Variants in TENT4B observed in about 807,000 individuals in gnomAD.
TENT4B encodes the protein PAP associated domain containing 5.
TENT4B carries 10 observed loss-of-function variants against 75.0 expected under a neutral mutation model. The observed-to-expected ratio is 0.13, with a 90% confidence interval of 0.08 to 0.23. The LOEUF (loss-of-function observed/expected upper bound fraction) is 0.23, where lower values mean the gene tolerates loss of function less well. Ranked by LOEUF, TENT4B falls within the 10% of genes least tolerant of loss-of-function variation. The pLI, the probability that TENT4B is intolerant of heterozygous loss-of-function variation, is 1.00. For synonymous variants in TENT4B, 350 were observed against 357.7 expected, an observed-to-expected ratio of 0.98 and a Z score of 0.24; for missense variants, 579 against 893.8, an observed-to-expected ratio of 0.65 and a Z score of 4.49.
At chr16:50,228,896 C>CA (rs2082886257) in intron 11 of TENT4B, among the ~76,000 whole-genome samples, 1 of 152,180 alleles carries the variant, frequency 6.6e-6, no homozygotes, top group Admixed American at 6.5e-5. Context: ...AAAACCTTTG[C>CA]ATCCCACACA....
At position 50,207,068 on chromosome 16, in the gene TENT4B, CT is replaced by C. The variant is rs764421701; in HGVS notation, c.639-4242del. ...ATTAATTTTGTTTCTCTTGCTCTCT[CT>C]TTTTTTTTTTTTGGCATCCTTTCCC... On this transcript the variant is annotated intron_variant, in intron 1 of 11. Transcript: ENST00000561678. 2.9e-3 allele frequency among the ~76,000 whole-genome samples: 401 copies of C among 140,612 alleles called. 1 individual carries two copies. Among genetic ancestry groups the C allele is most frequent in the Middle Eastern group, 3.7e-3 (1 of 268 alleles). 92.2% of individuals were successfully genotyped at this position (140,612 alleles called of 152,430 possible).
chr16:50,190,094 CAAAG>C lies in TENT4B; in HGVS notation c.639-21225_639-21222del, dbSNP rs1311749895. On this transcript the variant is annotated intron_variant, in intron 1 of 11. Coordinates refer to ENST00000561678, the MANE Select transcript of TENT4B (RefSeq NM_001365324.3). ...CTGTTTCAAAAAAAAAAAAAAAAAA[CAAAG>C]AAAAGAAAAGAAAGAAAGAAATGTA... Among the ~76,000 whole-genome samples the C allele has an allele frequency of 3.9e-3, 77 of 19,866 alleles. 1 individual carries two copies. Among genetic ancestry groups the C allele is most frequent in the Admixed American group, 0.031 (48 of 1,554 alleles). The allele number at this position is 19,866 out of a possible 152,430, so 13.0% of individuals were successfully genotyped here. A position where few individuals can be genotyped will look rare whatever the true frequency, so the allele number is the denominator to read the frequency against.
Position 50,234,363 on chromosome 16 carries a change from T to G in TENT4B, c.*5035T>G. 1 of 923,078 alleles carries G rather than the reference T, an allele frequency of 1.1e-6. No individual in the cohort carries two copies. The highest frequency in any genetic ancestry group is 5.4e-5 in the South Asian group (1 of 18,558). 57.2% of individuals were successfully genotyped at this position (923,078 alleles called of 1,614,324 possible). The stretch of plus-strand genomic sequence containing the variant: ...AAAAGCATTCTCCAAAGCCAGCAAC[T>G]TGGTGAAGTTCAGTACTTGCCTCTT... On this transcript the variant is annotated 3_prime_UTR_variant, in exon 12 of 12. Transcript: ENST00000561678.
At chr16:50,192,377 A>G (rs766647656) in intron 1 of TENT4B, among the ~76,000 whole-genome samples, 7 of 152,342 alleles carry the variant, frequency 4.6e-5, no homozygotes, top group Non-Finnish European at 8.8e-5. Context: ...AGTTGTTACC[A>G]TAGTGCACTT....
intron 3 of TENT4B, among the ~76,000 whole-genome samples, chr16:50,215,831 C>A (rs187012751): frequency 2.8e-4 from 43 of 152,040 alleles, no homozygotes; most frequent in African/African-American, 9.9e-4. Flanking sequence ...GGTTTTACTT[C>A]TTTCAAAATC....
chr16:50,165,969 C>T (rs1197750905), intron 1 of TENT4B, among the ~76,000 whole-genome samples: 2 of 151,694 alleles, frequency 1.3e-5, no homozygotes, highest in African/African-American at 4.8e-5. Flanking sequence ...TAAGTTAACT[C>T]TCTGTTTAAC....
At chr16:50,189,836 C>G (rs2038605116) in intron 1 of TENT4B, among the ~76,000 whole-genome samples, 2 of 151,180 alleles carry the variant, frequency 1.3e-5, no homozygotes. Flanking sequence ...CACTTGAGGT[C>G]AGGAGTGAGG....
In TENT4B at chr16:50,231,566, G is replaced by A. The variant is rs2032296430; in HGVS notation, c.*2238G>A. On this transcript the variant is annotated 3_prime_UTR_variant, in exon 12 of 12. Coordinates refer to ENST00000561678, the MANE Select transcript of TENT4B (RefSeq NM_001365324.3). Reference sequence around the variant, plus strand: ...ATAAGCATGTGATTATATTAAGGTGGTGGTAGCGGGAAGATAATTCTGATT... The same window carrying A: ...ATAAGCATGTGATTATATTAAGGTGATGGTAGCGGGAAGATAATTCTGATT... 1 of 985,686 alleles carries A rather than the reference G, an allele frequency of 1.0e-6. No individual in the cohort carries two copies. Among genetic ancestry groups the A allele is most frequent in the African/African-American group, 1.7e-5 (1 of 57,218 alleles). The allele number at this position is 985,686 out of a possible 1,614,324, so 61.1% of individuals were successfully genotyped here. A position where few individuals can be genotyped will look rare whatever the true frequency, so the allele number is the denominator to read the frequency against.
intron 1 of TENT4B, among the ~76,000 whole-genome samples, chr16:50,204,982 C>T (rs2030865971): frequency 6.6e-6 from 1 of 152,140 alleles, no homozygotes; most frequent in Non-Finnish European, 1.5e-5. Flanking sequence ...ACAGCCGGCC[C>T]ATATCACCCT....
At chr16:50,194,924 A>AT (rs2030118331) in intron 1 of TENT4B, among the ~76,000 whole-genome samples, 2 of 150,762 alleles carry the variant, frequency 1.3e-5, no homozygotes, top group East Asian at 2.0e-4. Context: ...AATTTTTTGT[A>AT]TTTTTTAGTA....
At chr16:50,186,328 T>G (rs1054560414) in intron 1 of TENT4B, among the ~76,000 whole-genome samples, 1 of 152,150 alleles carries the variant, frequency 6.6e-6, no homozygotes, top group Non-Finnish European at 1.5e-5. Flanking sequence ...TTTTTTTTCT[T>G]CTTGTGATGC....
intron 1 of TENT4B, among the ~76,000 whole-genome samples, chr16:50,160,670 G>T (rs959526502): frequency 1.3e-5 from 2 of 152,204 alleles, no homozygotes; most frequent in East Asian, 3.8e-4. Context: ...CAGATAACCT[G>T]TATACTGAAT....
intron 1 of TENT4B, among the ~76,000 whole-genome samples, chr16:50,155,895 T>C (rs1597213241): frequency 6.6e-6 from 1 of 152,220 alleles, no homozygotes; most frequent in Admixed American, 6.5e-5. Context: ...AATTGCATTT[T>C]ACTGAAGCCT....
chr16:50,199,572 T>C (rs945123080), intron 1 of TENT4B, among the ~76,000 whole-genome samples: 1 of 152,236 alleles, frequency 6.6e-6, no homozygotes, highest in African/African-American at 2.4e-5. Flanking sequence ...CTGTTTACTG[T>C]CTCCATAGTT....
chr16:50,179,356 C>T (rs958694046), intron 1 of TENT4B, among the ~76,000 whole-genome samples: 8 of 152,186 alleles, frequency 5.3e-5, no homozygotes, highest in Middle Eastern at 3.4e-3. Context: ...AGCGCAACTC[C>T]GTCTCAAAAG....
Position 50,153,724 on chromosome 16 carries a change from T to C in TENT4B, c.103T>C (p.Phe35Leu). 2 of 1,042,608 alleles carry C rather than the reference T, an allele frequency of 1.9e-6. No homozygotes were observed. The highest frequency in any genetic ancestry group is 2.3e-6 in the Non-Finnish European group (2 of 870,310). 64.6% of individuals were successfully genotyped at this position (1,042,608 alleles called of 1,614,324 possible). ...GACCCAGGGGCTGAGGAACCTCTAC[T>C]TCAACCACCACTGTCACAGCAGCGG... is the stretch of plus-strand genomic sequence containing the variant. The part of the protein sequence containing the change: ...ETTQGLRNLY[F>L]NHHCHSSGGA... The change falls in exon 1 of 12, where the codon TTC (phenylalanine) becomes CTC (leucine). Residue 35 changes from phenylalanine (F) to leucine (L), a missense_variant. Physicochemically the swap from Phe to Leu is conservative, Grantham distance 22. Around this residue, in one of 7 missense-constraint regions of TENT4B, gnomAD observed 253 missense variants for 270.1 expected, o/e 0.94. Transcript: ENST00000561678.
At chr16:50,180,947 A>G (rs940518790) in intron 1 of TENT4B, among the ~76,000 whole-genome samples, 12 of 152,220 alleles carry the variant, frequency 7.9e-5, no homozygotes, top group African/African-American at 2.7e-4. Context: ...AAAATAGAAT[A>G]GTTTTCTTCC....
At chr16:50,155,234 C>G (rs1006816344) in intron 1 of TENT4B, among the ~76,000 whole-genome samples, 1 of 146,012 alleles carries the variant, frequency 6.8e-6, no homozygotes, top group African/African-American at 2.6e-5. Context: ...GTCACTGAAT[C>G]TTATTTGTTT....
chr16:50,162,615 G>GA (rs557219008), intron 1 of TENT4B, among the ~76,000 whole-genome samples: 160 of 152,162 alleles, frequency 1.1e-3, no homozygotes, highest in African/African-American at 3.8e-3. Flanking sequence ...CTTTCTCAAT[G>GA]AAAAATCTCT....
Sources: gnomAD v4.1 joint callset for allele counts (sites outside exome capture counted in the v4.1 genomes callset) on GRCh38, gnomAD v4.1.1 for gene constraint, gnomAD v4.1.1 regional missense constraint, MANE v1.5 for transcripts, NCBI Gene and HGNC (gene_info 2026-07-23, HGNC 2026-07-21) for gene names.